TMEM39B: variants seen among roughly 807,000 people sequenced by gnomAD.
TMEM39B encodes the protein transmembrane protein 39B.
TMEM39B carries 23 observed loss-of-function variants against 52.2 expected under a neutral mutation model. The ratio of observed to expected loss-of-function variants is 0.44; its 90% confidence interval spans 0.32 to 0.62. TMEM39B has a LOEUF of 0.62. Among genes scored for constraint, TMEM39B ranks in the 20% least tolerant of loss-of-function variants. The pLI is 0.06. For missense variants in TMEM39B, 547 were observed against 642.0 expected (o/e 0.85, Z 1.60); for synonymous variants, 285 against 264.0 (o/e 1.08, Z -0.77).
chr1:32,075,004 C>T lies in TMEM39B; in HGVS notation c.58C>T (p.Pro20Ser), dbSNP rs1475134486. The T allele has an allele frequency of 3.2e-6, 5 of 1,551,404 alleles. No homozygotes were observed. The highest frequency in any genetic ancestry group is 4.4e-6 in the Non-Finnish European group (5 of 1,146,942). ...TSYCRNPLCE[P>S]GSSGGSSGSH... ...TTACTGTCGAAATCCGCTCTGTGAG[C>T]CGGGATCCTCGGGGGGCTCTAGTGG... is the stretch of plus-strand genomic sequence containing the variant. Residue 20 changes from proline to serine, a missense_variant, in exon 2 of 9, where the codon CCG (proline) becomes TCG (serine). Pro to Ser is a moderately conservative substitution (Grantham distance 74). Coordinates refer to ENST00000336294, the MANE Select transcript of TMEM39B (RefSeq NM_018056.4).
rs1178579324 is a variant in TMEM39B at position 32,091,949 on chromosome 1, G to A, written c.865G>A (p.Val289Met). The change falls in exon 6 of 9, where the codon GTG becomes ATG. Residue 289 changes from valine (V) to methionine (M), a missense_variant. Coordinates refer to ENST00000336294, the MANE Select transcript of TMEM39B (RefSeq NM_018056.4). ...KMDFNWRMKE[V>M]LVSSMLSAYY... is the part of the protein sequence containing the mutation. ...GGACTTCAACTGGCGCATGAAGGAA[G>A]TGCTCGTCAGCTCCATGCTGAGCGC... The A allele has an allele frequency of 3.7e-6, 6 of 1,614,090 alleles. No homozygotes were observed. The highest frequency in any genetic ancestry group is 5.1e-6 in the Non-Finnish European group (6 of 1,180,042).
intron 5 of TMEM39B, among the ~76,000 whole-genome samples, chr1:32,083,728 G>A (rs940213185): frequency 3.3e-5 from 5 of 151,926 alleles, no homozygotes; most frequent in Non-Finnish European, 7.4e-5. Context: ...AGCCTTAAAG[G>A]ACTTCTTTAA....
chr1:32,085,885 C>T (rs1640328657), intron 5 of TMEM39B, among the ~76,000 whole-genome samples: 1 of 151,900 alleles, frequency 6.6e-6, no homozygotes, highest in Admixed American at 6.6e-5. Context: ...AAATGAAGGA[C>T]TGAGTAGCAG....
chr1:32,083,089 T>G (rs1164092971), intron 5 of TMEM39B, among the ~76,000 whole-genome samples: 1 of 147,142 alleles, frequency 6.8e-6, no homozygotes, highest in Non-Finnish European at 1.5e-5. Context: ...TTTTTTTTTT[T>G]TTTTTTTTTT....
chr1:32,087,922 A>T (rs563742097), intron 5 of TMEM39B: 1 of 147,658 alleles, frequency 6.8e-6, no homozygotes, highest in East Asian at 2.3e-4. Context: ...TGCTGGGATT[A>T]CAGGCATGAG....
chr1:32,074,838 G>A lies in TMEM39B; in HGVS notation c.5-113G>A, dbSNP rs1374279805. 1.1e-5 allele frequency: 14 copies of A among 1,317,802 alleles called. No homozygotes were observed. The South Asian group carries it at 1.1e-4, about 10-fold the overall frequency. 81.6% of individuals were successfully genotyped at this position (1,317,802 alleles called of 1,614,324 possible). ...AGAAGGGGCCAGATCATAGGTCTCA[G>A]TGAGGATTAAATGATAAAGTGAGAT... On this transcript the variant is annotated intron_variant, in intron 1 of 8. Transcript: ENST00000336294.
chr1:32,078,436 T>G (rs1264192125), intron 5 of TMEM39B, among the ~76,000 whole-genome samples: 1 of 152,010 alleles, frequency 6.6e-6, no homozygotes, highest in Non-Finnish European at 1.5e-5. Flanking sequence ...TGAGCCGAAA[T>G]TGTGCCACTG....
At chr1:32,087,725 C>T (rs1640420788) in intron 5 of TMEM39B, 1 of 143,358 alleles carries the variant, frequency 7.0e-6, no homozygotes. Flanking sequence ...TCTCTGCTCA[C>T]TGCAAGCTCC....
chr1:32,074,358 G>T (rs1462612849), intron 1 of TMEM39B, among the ~76,000 whole-genome samples: 1 of 152,062 alleles, frequency 6.6e-6, no homozygotes, highest in Non-Finnish European at 1.5e-5. Flanking sequence ...GAGAGCACAC[G>T]ACCCAGCCAC....
upstream of TMEM39B, chr1:32,072,841 A>C (rs1162636877): frequency 1.2e-5 from 7 of 572,142 alleles, no homozygotes; most frequent in African/African-American, 6.0e-5. Context: ...AAGAGCGCGC[A>C]GGCACCGCCT....
At chr1:32,072,897 G>T, upstream of TMEM39B, 1 of 1,066,830 alleles carries the variant, frequency 9.4e-7, no homozygotes, top group Non-Finnish European at 1.3e-6. Flanking sequence ...CTTCCAGCCC[G>T]CCTTGTATGC....
At chr1:32,088,739 G>C (rs1640482357) in intron 5 of TMEM39B, among the ~76,000 whole-genome samples, 1 of 152,128 alleles carries the variant, frequency 6.6e-6, no homozygotes, top group Admixed American at 6.6e-5. Context: ...CCTATCTGCA[G>C]TCCTTCTTAG....
chr1:32,102,496 CT>C lies in TMEM39B; in HGVS notation c.1303del (p.Tyr435IlefsTer6). 1 of 1,614,218 alleles carries C rather than the reference CT, an allele frequency of 6.2e-7. No individual in the cohort carries two copies. Among genetic ancestry groups the C allele is most frequent in the Non-Finnish European group, 8.5e-7 (1 of 1,180,032 alleles). Reference protein sequence around the residue: ...LLLLEGAVIVYQLYSLMSSEK... With the variant: ...LLLLEGAVIVXQLYSLMSSEK... Reference sequence around the variant, plus strand: ...TGCTGCTGGAGGGCGCTGTCATTGTCTATCAGCTGTACTCCCTAATGTCCTC... The same window carrying C: ...TGCTGCTGGAGGGCGCTGTCATTGTCATCAGCTGTACTCCCTAATGTCCTC... On this transcript the variant is annotated frameshift_variant, in exon 9 of 9. Transcript: ENST00000336294. LOFTEE classifies it high-confidence loss of function.
chr1:32,073,141 G>C (rs903778717), intron 1 of TMEM39B, 90 bp downstream of exon 1: 4 of 1,358,718 alleles, frequency 2.9e-6, no homozygotes, highest in Non-Finnish European at 3.8e-6. Flanking sequence ...ACGCGGACAG[G>C]AGCCCGGTGA....
At chr1:32,088,782 C>T (rs1255007107) in intron 5 of TMEM39B, among the ~76,000 whole-genome samples, 2 of 151,536 alleles carry the variant, frequency 1.3e-5, no homozygotes, top group Middle Eastern at 3.2e-3. Flanking sequence ...TAAGTTTAAG[C>T]TGGAGACCTT....
chr1:32,082,550 G>A (rs1156330359), intron 5 of TMEM39B, among the ~76,000 whole-genome samples: 1 of 151,850 alleles, frequency 6.6e-6, no homozygotes. Flanking sequence ...CGCCTCCCAG[G>A]TTCAAGCAGT....
At chr1:32,073,965 T>A in intron 1 of TMEM39B, 2 of 889,110 alleles carry the variant, frequency 2.2e-6, no homozygotes, top group Non-Finnish European at 2.7e-6. Context: ...CCCAGGCTGG[T>A]CTCCAACTCC....
chr1:32,081,022 C>T (rs893978975), intron 5 of TMEM39B, among the ~76,000 whole-genome samples: 2 of 151,692 alleles, frequency 1.3e-5, no homozygotes, highest in Non-Finnish European at 2.9e-5. Context: ...AGAGTGAGAC[C>T]CTGTCTCTAA....
intron 5 of TMEM39B, among the ~76,000 whole-genome samples, chr1:32,086,449 T>G (rs534543099): frequency 1.2e-4 from 18 of 152,286 alleles, no homozygotes; most frequent in African/African-American, 4.3e-4. Flanking sequence ...TACACACCGA[T>G]TCTGAACCCT....
Sources: gnomAD v4.1 joint callset for allele counts (sites outside exome capture counted in the v4.1 genomes callset) on GRCh38, gnomAD v4.1.1 for gene constraint, MANE v1.5 for transcripts, NCBI Gene and HGNC (gene_info 2026-07-23, HGNC 2026-07-21) for gene names.